DENND4C: variants seen among roughly 807,000 people sequenced by gnomAD.
DENND4C encodes the protein DENN domain containing 4C.
Under a neutral mutation model 203.0 loss-of-function variants are expected in DENND4C, and 108 were observed. The ratio of observed to expected loss-of-function variants is 0.53; its 90% CI spans 0.46 to 0.62. The LOEUF is 0.62. DENND4C is among the 20% of genes least tolerant of loss of function. DENND4C has a pLI of 0.00. For synonymous variants in DENND4C, 871 were observed against 792.4 expected, an observed-to-expected ratio of 1.10 and a Z score of -1.67; for missense variants, 2,481 against 2,301.2, an observed-to-expected ratio of 1.08 and a Z score of -1.60.
chr9:19,248,850 T>C (rs1825875622), intron 1 of DENND4C, among the ~76,000 whole-genome samples: 2 of 151,726 alleles, frequency 1.3e-5, no homozygotes, highest in Admixed American at 1.3e-4. Context: ...TAGGCTGGAG[T>C]GTAGTGGCAC....
chr9:19,279,733 G>C (rs1833651583), intron 2 of DENND4C, among the ~76,000 whole-genome samples: 1 of 151,526 alleles, frequency 6.6e-6, no homozygotes, highest in Non-Finnish European at 1.5e-5. Context: ...TGTAGTCCTA[G>C]CTACTCAGAA....
At chr9:19,233,152 G>C (rs1821007413) in intron 1 of DENND4C, among the ~76,000 whole-genome samples, 1 of 152,120 alleles carries the variant, frequency 6.6e-6, no homozygotes, top group South Asian at 2.1e-4. Flanking sequence ...TGTTTCATTT[G>C]TTTTTTTGAT....
At chr9:19,305,632 A>T in intron 10 of DENND4C, 105 bp downstream of exon 10, 4 of 1,199,454 alleles carry the variant, frequency 3.3e-6, no homozygotes, top group Non-Finnish European at 4.6e-6. Context: ...TAGTTGTTAA[A>T]TCTTCGTCTT....
chr9:19,362,115 A>C (rs1417640835), intron 30 of DENND4C, 152 bp downstream of exon 30: 1 of 512,430 alleles, frequency 2.0e-6, no homozygotes, highest in East Asian at 3.6e-5. Context: ...CTCTATTAAA[A>C]ATACAAAACT....
At chr9:19,310,676 T>C (rs947587685) in intron 10 of DENND4C, among the ~76,000 whole-genome samples, 11 of 152,252 alleles carry the variant, frequency 7.2e-5, no homozygotes, top group African/African-American at 2.4e-4. Flanking sequence ...CTGAATTTTA[T>C]AAATACTTTT....
In DENND4C at chr9:19,309,974, C is replaced by G. The variant is rs529068664; in HGVS notation, c.1487+4447C>G. Among the ~76,000 whole-genome samples, 5 of 152,092 alleles carry G rather than the reference C, an allele frequency of 3.3e-5. No homozygotes were observed. In the South Asian group the frequency reaches 1.0e-3, roughly 32 times the overall value. ...GGTCTTTTCAGAATTTTTTGGTGAA[C>G]TTTGTGTTTTCTCCAGAAAGATAAT... On this transcript the variant is annotated intron_variant, in intron 10 of 32. Coordinates refer to ENST00000434457, the MANE Select transcript of DENND4C (RefSeq NM_001330640.2).
At chr9:19,263,953 C>T (rs1371420638) in intron 1 of DENND4C, among the ~76,000 whole-genome samples, 1 of 152,102 alleles carries the variant, frequency 6.6e-6, no homozygotes, top group Non-Finnish European at 1.5e-5. Flanking sequence ...AGCCACTGCG[C>T]CTGGCCAATT....
In DENND4C at chr9:19,370,183, C is replaced by T. The variant is rs144281039; in HGVS notation, c.5675+196C>T. ...ATAATAAAAGTGTCTGGGGGCTTGG[C>T]ACGGTGGCTCACACCTGTAATCCCA... On this transcript the variant is annotated intron_variant, in intron 31 of 32. Coordinates refer to ENST00000434457, the MANE Select transcript of DENND4C (RefSeq NM_001330640.2). 193 of 607,174 alleles carry T rather than the reference C, an allele frequency of 3.2e-4. No individual in the cohort carries two copies. The highest frequency in any genetic ancestry group is 3.1e-3 in the African/African-American group (164 of 53,464). 37.6% of individuals were successfully genotyped at this position (607,174 alleles called of 1,614,324 possible).
At chr9:19,261,872 C>T (rs1829439838) in intron 1 of DENND4C, among the ~76,000 whole-genome samples, 1 of 150,058 alleles carries the variant, frequency 6.7e-6, no homozygotes, top group African/African-American at 2.4e-5. Flanking sequence ...TTAGTTGTAG[C>T]AATTTTTTAC....
At chr9:19,317,596 A>G (rs890128698) in intron 12 of DENND4C, among the ~76,000 whole-genome samples, 5 of 152,200 alleles carry the variant, frequency 3.3e-5, no homozygotes, top group African/African-American at 7.2e-5. Flanking sequence ...TATTTTCCCA[A>G]TAATCCTTTT....
In DENND4C at chr9:19,346,993, A is replaced by G. The variant is rs1326743111; in HGVS notation, c.4224A>G (p.Ile1408Met). Residue 1408 changes from isoleucine to methionine, a missense_variant, in exon 23 of 33, where the codon ATA becomes ATG. Physicochemically the swap from Ile to Met is conservative, Grantham distance 10. Coordinates refer to ENST00000434457, the MANE Select transcript of DENND4C (RefSeq NM_001330640.2). ...ATAATATACTCTCAGGGCCCAAGATAGATGTCCTGAAATCTGGTATGAAAC... is the reference window on the plus strand; with the variant it reads ...ATAATATACTCTCAGGGCCCAAGATGGATGTCCTGAAATCTGGTATGAAAC... ...KLDNILSGPK[I>M]DVLKSGMKQA... 2.5e-6 allele frequency: 4 copies of G among 1,614,194 alleles called. No individual in the cohort carries two copies. The highest frequency in any genetic ancestry group is 1.3e-5 in the African/African-American group (1 of 75,048).
chr9:19,264,312 T>G (rs138400709), intron 1 of DENND4C, among the ~76,000 whole-genome samples: 1 of 152,146 alleles, frequency 6.6e-6, no homozygotes, highest in Non-Finnish European at 1.5e-5. Flanking sequence ...TTCCTTTTTT[T>G]TTTTTGAGAC....
At chr9:19,232,740 C>T (rs1434145121) in intron 1 of DENND4C, among the ~76,000 whole-genome samples, 1 of 152,102 alleles carries the variant, frequency 6.6e-6, no homozygotes, top group Non-Finnish European at 1.5e-5. Flanking sequence ...TGTAACAATT[C>T]CTGGTGCCAA....
chr9:19,252,278 C>T (rs1348956215), intron 1 of DENND4C, among the ~76,000 whole-genome samples: 4 of 152,134 alleles, frequency 2.6e-5, no homozygotes, highest in Non-Finnish European at 5.9e-5. Context: ...TATTCACTTC[C>T]ATGAGAACAG....
At chr9:19,331,616 G>C (rs1819208230) in intron 16 of DENND4C, among the ~76,000 whole-genome samples, 1 of 152,166 alleles carries the variant, frequency 6.6e-6, no homozygotes, top group South Asian at 2.1e-4. Flanking sequence ...AAACTTTAGT[G>C]AAGAGAAGAG....
intron 2 of DENND4C, among the ~76,000 whole-genome samples, chr9:19,280,606 T>C (rs12003880): frequency 1.4e-3 from 213 of 152,256 alleles, no homozygotes; most frequent in African/African-American, 4.7e-3. Context: ...GGATGTAGGA[T>C]AAAATTGTGG....
At chr9:19,360,981 C>G (rs1339458308) in intron 29 of DENND4C, among the ~76,000 whole-genome samples, 1 of 152,122 alleles carries the variant, frequency 6.6e-6, no homozygotes, top group Non-Finnish European at 1.5e-5. Flanking sequence ...TCAAGTGATT[C>G]TCCTGCCTCA....
intron 20 of DENND4C, among the ~76,000 whole-genome samples, chr9:19,337,993 T>C (rs2131880516): frequency 6.6e-6 from 1 of 152,324 alleles, no homozygotes; most frequent in Admixed American, 6.5e-5. Flanking sequence ...GTTAAGGTGG[T>C]GTGGCCATTG....
rs781436551 is a variant in DENND4C, at chr9:19,296,023, A to G, written c.817A>G (p.Ile273Val). The stretch of plus-strand genomic sequence containing the variant: ...TACTCTTTAGGTATATGGAGCTGCC[A>G]TTCAGTTTTATGAACCTTACTCTCG... ...SSAKKVYGAA[I>V]QFYEPYSREL... is the part of the protein sequence containing the mutation. The change falls in exon 6 of 33, where the codon ATT (isoleucine) becomes GTT (valine). Residue 273 changes from isoleucine (I) to valine (V), a missense_variant. Transcript: ENST00000434457. 6 of 1,613,548 alleles carry G rather than the reference A, an allele frequency of 3.7e-6. No homozygotes were observed. The highest frequency in any genetic ancestry group is 5.1e-6 in the Non-Finnish European group (6 of 1,179,672).
Sources: allele counts gnomAD v4.1 joint callset (sites outside exome capture counted in the v4.1 genomes callset), GRCh38; gene constraint gnomAD v4.1.1; transcripts MANE v1.5; gene names NCBI Gene and HGNC (gene_info 2026-07-23, HGNC 2026-07-21).